ADGRL3: variants seen among roughly 807,000 people sequenced by gnomAD.
ADGRL3 encodes adhesion G protein-coupled receptor L3.
In ADGRL3, 62 loss-of-function variants were observed where a neutral mutation model predicts 153.5. That is an observed-to-expected ratio of 0.40 (90% confidence interval 0.33 to 0.50). The LOEUF is 0.50. Ranked by LOEUF, ADGRL3 falls within the 20% of genes least tolerant of loss-of-function variation. The pLI is 0.47. For synonymous variants in ADGRL3, 710 were observed against 672.5 expected (o/e 1.06, Z -0.86); for missense variants, 1,641 against 1,859.4 (o/e 0.88, Z 2.16).
At chr4:61,357,379 G>T (rs532271469) in intron 1 of ADGRL3, among the ~76,000 whole-genome samples, 1 of 152,022 alleles carries the variant, frequency 6.6e-6, no homozygotes, top group Non-Finnish European at 1.5e-5. Flanking sequence ...GAGCATGCTG[G>T]TGTTTTTCCA....
At chr4:61,816,353 C>T (rs2097688406) in intron 9 of ADGRL3, among the ~76,000 whole-genome samples, 1 of 152,158 alleles carries the variant, frequency 6.6e-6, no homozygotes, top group South Asian at 2.1e-4. Flanking sequence ...GGAGGGGACT[C>T]ACTCACGTTT....
chr4:61,478,306 A>G (rs1235370784), intron 2 of ADGRL3, among the ~76,000 whole-genome samples: 2 of 152,074 alleles, frequency 1.3e-5, no homozygotes, highest in Non-Finnish European at 2.9e-5. Flanking sequence ...ATCTCTAGTG[A>G]TGTCAAAGTG....
chr4:61,887,023 A>T (rs1254415770), intron 9 of ADGRL3, among the ~76,000 whole-genome samples: 2 of 150,952 alleles, frequency 1.3e-5, no homozygotes, highest in Non-Finnish European at 2.9e-5. Context: ...AATTTTATTT[A>T]TTTATTTATT....
chr4:61,231,488 C>G (rs979580381), intron 1 of ADGRL3, among the ~76,000 whole-genome samples: 1 of 152,002 alleles, frequency 6.6e-6, no homozygotes, highest in African/African-American at 2.4e-5. Context: ...GGTCTTCATT[C>G]TTTTCTTTCT....
intron 24 of ADGRL3, among the ~76,000 whole-genome samples, chr4:62,042,795 A>T (rs1729072599): frequency 6.6e-6 from 1 of 152,088 alleles, no homozygotes; most frequent in South Asian, 2.1e-4. Flanking sequence ...TCACAAAAGT[A>T]TACAAAACAT....
chr4:62,029,394 A>G (rs553196195), intron 22 of ADGRL3, among the ~76,000 whole-genome samples: 1 of 151,938 alleles, frequency 6.6e-6, no homozygotes, highest in African/African-American at 2.4e-5. Flanking sequence ...TACATATGCA[A>G]AATTATCCCT....
At chr4:61,698,029 T>C (rs888498221) in intron 6 of ADGRL3, among the ~76,000 whole-genome samples, 1 of 152,148 alleles carries the variant, frequency 6.6e-6, no homozygotes, top group East Asian at 1.9e-4. Flanking sequence ...TTGGGAGCCA[T>C]GGAAGAGAAT....
At chr4:61,377,625 G>C (rs1433372739) in intron 1 of ADGRL3, among the ~76,000 whole-genome samples, 1 of 151,978 alleles carries the variant, frequency 6.6e-6, no homozygotes, top group Non-Finnish European at 1.5e-5. Context: ...AATAATCAGT[G>C]AGATTTTAAA....
chr4:61,676,363 T>A (rs1187136779), intron 5 of ADGRL3, among the ~76,000 whole-genome samples: 1 of 152,010 alleles, frequency 6.6e-6, no homozygotes, highest in East Asian at 1.9e-4. Flanking sequence ...GATAAAGCTT[T>A]TCAATACCAC....
At chr4:61,666,371 A>G (rs1159147376) in intron 5 of ADGRL3, among the ~76,000 whole-genome samples, 1 of 152,060 alleles carries the variant, frequency 6.6e-6, no homozygotes, top group Non-Finnish European at 1.5e-5. Flanking sequence ...TACATAAGTC[A>G]TTTGACTTGG....
At chr4:61,509,124 C>CTTTTT (rs57550950) in intron 3 of ADGRL3, among the ~76,000 whole-genome samples, 15 of 118,570 alleles carry the variant, frequency 1.3e-4, no homozygotes, top group East Asian at 2.6e-4. Context: ...CATATCACAT[C>CTTTTT]TTTTTTTTTT....
intron 8 of ADGRL3, among the ~76,000 whole-genome samples, chr4:61,755,018 A>G (rs1369965859): frequency 1.3e-5 from 2 of 152,076 alleles, no homozygotes; most frequent in African/African-American, 4.8e-5. Context: ...CCAGTCTATC[A>G]TTGTTGGACA....
chr4:61,528,377 G>A (rs1204311005), intron 4 of ADGRL3, among the ~76,000 whole-genome samples: 2 of 151,994 alleles, frequency 1.3e-5, no homozygotes, highest in Non-Finnish European at 1.5e-5. Flanking sequence ...TACCTAGTAT[G>A]TTTCCTTATC....
At chr4:62,017,483 A>ATTGAT in intron 21 of ADGRL3, among the ~76,000 whole-genome samples, 1 of 151,334 alleles carries the variant, frequency 6.6e-6, no homozygotes, top group East Asian at 1.9e-4. Flanking sequence ...AAGTGACATG[A>ATTGAT]TTGATTTAAC....
chr4:61,220,994 A>G (rs2149017930), intron 1 of ADGRL3, among the ~76,000 whole-genome samples: 1 of 152,280 alleles, frequency 6.6e-6, no homozygotes. Flanking sequence ...TCCCCAATGC[A>G]CATTTTCCCC....
chr4:61,571,122 G>T (rs2098836786), intron 4 of ADGRL3, among the ~76,000 whole-genome samples: 1 of 151,852 alleles, frequency 6.6e-6, no homozygotes, highest in South Asian at 2.1e-4. Context: ...AAAATCCAAA[G>T]ATTTATATAG....
At chr4:61,919,627 A>G (rs1240966741) in intron 13 of ADGRL3, among the ~76,000 whole-genome samples, 4 of 152,222 alleles carry the variant, frequency 2.6e-5, no homozygotes, top group African/African-American at 9.6e-5. Flanking sequence ...GTAAAATCAT[A>G]TGTAATGTAA....
At chr4:61,438,882 T>C (rs2152456310) in intron 2 of ADGRL3, among the ~76,000 whole-genome samples, 1 of 152,050 alleles carries the variant, frequency 6.6e-6, no homozygotes, top group African/African-American at 2.4e-5. Context: ...TAATTTTTTG[T>C]ATTTTTAGTA....
chr4:61,234,138 G>A (rs1751873402), intron 1 of ADGRL3, among the ~76,000 whole-genome samples: 1 of 152,114 alleles, frequency 6.6e-6, no homozygotes, highest in African/African-American at 2.4e-5. Flanking sequence ...CAGAGGTTGT[G>A]TGTTAGTCCA....
Sources: gnomAD v4.1 joint callset for allele counts (sites outside exome capture counted in the v4.1 genomes callset) on GRCh38, gnomAD v4.1.1 for gene constraint, MANE v1.5 for transcripts, NCBI Gene and HGNC (gene_info 2026-07-23, HGNC 2026-07-21) for gene names.